Variants in STAT5B observed in about 807,000 individuals in gnomAD.
STAT5B encodes the protein signal transducer and activator of transcription 5B.
A neutral mutation model predicts 107.8 loss-of-function variants in STAT5B; 21 were observed. The observed-to-expected ratio is 0.19, with a 90% CI of 0.14 to 0.28. STAT5B has a LOEUF of 0.28. Ranked by LOEUF, STAT5B falls within the 10% of genes least tolerant of loss-of-function variation. The pLI is 1.00. For missense variants in STAT5B, 565 were observed against 1,008.2 expected (o/e 0.56, Z 5.95); for synonymous variants, 325 against 401.7 (o/e 0.81, Z 2.28).
intron 7 of STAT5B, 58 bp from the exon 8 acceptor site, chr17:42,218,936 G>A (rs576770401): frequency 6.2e-7 from 1 of 1,613,130 alleles, no homozygotes; most frequent in Non-Finnish European, 8.5e-7. Context: ...CAGACGCCAG[G>A]CCCCAAGACA....
At position 42,210,480 on chromosome 17, in the gene STAT5B, C is replaced by A; in HGVS notation, c.1698G>T (p.Arg566=). 1.2e-6 allele frequency: 2 copies of A among 1,614,122 alleles called. No individual in the cohort carries two copies. Among genetic ancestry groups the A allele is most frequent in the Non-Finnish European group, 1.7e-6 (2 of 1,180,026 alleles). Residue 566 remains arginine, a synonymous_variant, in exon 14 of 19, where the codon CGG becomes CGT. Transcript: ENST00000293328. ...SQFNRENLPG[R]NYTFWQWFDG... ...CAAACCATTGCCAGAAAGTGTAATT[C>A]CGTCCTGGTAAATTCTCCTGGTTGG... is the stretch of plus-strand genomic sequence containing the variant.
chr17:42,251,019 G>A lies in STAT5B; in HGVS notation c.-10-18882C>T, dbSNP rs2080495127. Among the ~76,000 whole-genome samples the A allele has an allele frequency of 2.0e-5, 3 of 150,188 alleles. No homozygotes were observed. In the South Asian group the frequency reaches 6.3e-4, roughly 32 times the overall value. ...TCCTTTATAACACGAGCCACAAAAT[G>A]AATTATCATAAAATGCAATTCACAA... is the stretch of plus-strand genomic sequence containing the variant. On this transcript the variant is annotated intron_variant, in intron 1 of 18. Transcript: ENST00000293328.
chr17:42,273,410 A>T (rs2080737116), intron 1 of STAT5B, among the ~76,000 whole-genome samples: 1 of 152,200 alleles, frequency 6.6e-6, no homozygotes, highest in Non-Finnish European at 1.5e-5. Flanking sequence ...AAATAAAAGG[A>T]TATTCTTCTC....
intron 1 of STAT5B, chr17:42,234,904 G>A (rs2080345423): frequency 6.6e-6 from 1 of 152,162 alleles, no homozygotes; most frequent in South Asian, 2.1e-4. Context: ...AAGGTGCTTA[G>A]GCACTTAAGT....
the STAT5B span, among the ~76,000 whole-genome samples, chr17:42,281,802 G>A: frequency 6.6e-6 from 1 of 152,214 alleles, no homozygotes; most frequent in Non-Finnish European, 1.5e-5. Context: ...CGCCTCTTGG[G>A]ACAGGGTCAC....
At chr17:42,263,016 A>ATATATATATATATAT (rs1567677432) in intron 1 of STAT5B, among the ~76,000 whole-genome samples, 2 of 22,904 alleles carry the variant, frequency 8.7e-5, no homozygotes, top group African/African-American at 2.9e-4. Context: ...ATATATATAT[A>ATATATATATATATAT]AAAAAACAAA....
chr17:42,259,540 A>G (rs2080576046), intron 1 of STAT5B, among the ~76,000 whole-genome samples: 1 of 152,050 alleles, frequency 6.6e-6, no homozygotes, highest in Admixed American at 6.5e-5. Flanking sequence ...TAATCCTAAC[A>G]GTTTGGAAGG....
rs748080043 is a variant in STAT5B, at chr17:42,202,063, G to A, written c.2238-199C>T. 44 of 641,240 alleles carry A rather than the reference G, an allele frequency of 6.9e-5. No homozygotes were observed. In the South Asian group the frequency reaches 7.4e-4, roughly 11 times the overall value. The allele number at this position is 641,240 out of a possible 1,614,324, so 39.7% of individuals were successfully genotyped here. A position where few individuals can be genotyped will look rare whatever the true frequency, so the allele number is the denominator to read the frequency against. ...ACCCTCCCCTGTTACCTCTCACACCGGCTGTCCAGACACATCACAACTCCA... is the reference window on the plus strand; with the variant it reads ...ACCCTCCCCTGTTACCTCTCACACCAGCTGTCCAGACACATCACAACTCCA... On this transcript the variant is annotated intron_variant, in intron 18 of 18. Coordinates refer to ENST00000293328, the MANE Select transcript of STAT5B (RefSeq NM_012448.4).
intron 13 of STAT5B, among the ~76,000 whole-genome samples, chr17:42,211,296 TCGG>T (rs1357601967): frequency 6.6e-6 from 1 of 151,832 alleles, no homozygotes; most frequent in Admixed American, 6.6e-5. Flanking sequence ...TCACCTGAGG[TCGG>T]GAGTTCGAGA....
At chr17:42,207,801 C>T (rs1181931404) in intron 15 of STAT5B, 73 bp from the exon 16 acceptor site, 2 of 1,521,816 alleles carry the variant, frequency 1.3e-6, no homozygotes, top group Non-Finnish European at 1.8e-6. Context: ...CCCCAACATA[C>T]TATAAATTCA....
intron 13 of STAT5B, among the ~76,000 whole-genome samples, chr17:42,210,834 T>C (rs1324395256): frequency 2.6e-5 from 4 of 152,172 alleles, no homozygotes. Context: ...ATGCACGTTG[T>C]TAGGCTCCAA....
chr17:42,232,935 G>A (rs954708164), intron 1 of STAT5B, among the ~76,000 whole-genome samples: 5 of 148,034 alleles, frequency 3.4e-5, no homozygotes, highest in Non-Finnish European at 5.9e-5. Context: ...TCTGCCTCCC[G>A]GGTTCAAGCA....
At chr17:42,286,017 C>T in the STAT5B span, among the ~76,000 whole-genome samples, 1 of 151,818 alleles carries the variant, frequency 6.6e-6, no homozygotes, top group Non-Finnish European at 1.5e-5. Context: ...GTCGGGAGTT[C>T]GAGACCAGCC....
intron 17 of STAT5B, 49 bp from the exon 18 acceptor site, chr17:42,202,496 G>C: frequency 6.2e-7 from 1 of 1,604,030 alleles, no homozygotes; most frequent in Non-Finnish European, 8.5e-7. Context: ...GGCCAGGGCA[G>C]CTGACTTGGG....
At chr17:42,251,735 C>T (rs1439632836) in intron 1 of STAT5B, among the ~76,000 whole-genome samples, 1 of 152,076 alleles carries the variant, frequency 6.6e-6, no homozygotes, top group Non-Finnish European at 1.5e-5. Flanking sequence ...TGCGGTGGCT[C>T]ACACCTGTAA....
intron 1 of STAT5B, among the ~76,000 whole-genome samples, chr17:42,237,305 A>T (rs1567667397): frequency 6.6e-6 from 1 of 152,256 alleles, no homozygotes; most frequent in Non-Finnish European, 1.5e-5. Flanking sequence ...AAAACCATAA[A>T]AATGAATGTC....
chr17:42,224,965 A>T, intron 3 of STAT5B, 97 bp from the exon 4 acceptor site: 1 of 1,168,652 alleles, frequency 8.6e-7, no homozygotes, highest in East Asian at 2.5e-5. Context: ...GACCTCCTGA[A>T]TCACAGGAGG....
chr17:42,237,071 G>T (rs959772526), intron 1 of STAT5B, among the ~76,000 whole-genome samples: 3 of 152,180 alleles, frequency 2.0e-5, no homozygotes, highest in Non-Finnish European at 4.4e-5. Flanking sequence ...AGAACTATTT[G>T]AGCTCGGCTG....
At chr17:42,256,854 T>A (rs1243214201) in intron 1 of STAT5B, among the ~76,000 whole-genome samples, 1 of 102,690 alleles carries the variant, frequency 9.7e-6, no homozygotes, top group Non-Finnish European at 1.7e-5. Context: ...AGAGCGAGAC[T>A]CTGTCTCAAA....
Sources: gnomAD v4.1 joint callset for allele counts (sites outside exome capture counted in the v4.1 genomes callset) on GRCh38, gnomAD v4.1.1 for gene constraint, MANE v1.5 for transcripts, NCBI Gene and HGNC (gene_info 2026-07-23, HGNC 2026-07-21) for gene names.